OSBPL6: variants seen among roughly 807,000 people sequenced by gnomAD.
The protein encoded by OSBPL6 is oxysterol-binding protein-related protein 6.
OSBPL6 carries 49 observed loss-of-function variants against 125.8 expected under a neutral mutation model. That is an observed-to-expected ratio of 0.39 (90% CI 0.31 to 0.49). OSBPL6 has a LOEUF of 0.49. Ranked by LOEUF, OSBPL6 falls within the 20% of genes least tolerant of loss-of-function variation. The pLI is 0.88. For synonymous variants in OSBPL6, 394 were observed against 391.8 expected, an observed-to-expected ratio of 1.01 and a Z score of -0.07; for missense variants, 986 against 1,135.4, an observed-to-expected ratio of 0.87 and a Z score of 1.89.
intron 2 of OSBPL6, among the ~76,000 whole-genome samples, chr2:178,300,105 A>G (rs541314806): frequency 1.3e-5 from 2 of 152,372 alleles, no homozygotes; most frequent in South Asian, 2.1e-4. Flanking sequence ...TGAAAGCTAT[A>G]TATCTCAAAT....
At chr2:178,292,581 C>T (rs778015100) in intron 2 of OSBPL6, among the ~76,000 whole-genome samples, 2 of 152,144 alleles carry the variant, frequency 1.3e-5, no homozygotes, top group Admixed American at 6.5e-5. Context: ...ATGTGTCTTA[C>T]ATCATCCCCT....
At chr2:178,270,470 A>G (rs979905772) in intron 1 of OSBPL6, among the ~76,000 whole-genome samples, 1 of 152,176 alleles carries the variant, frequency 6.6e-6, no homozygotes, top group African/African-American at 2.4e-5. Flanking sequence ...AAACCAAGGA[A>G]CAGAGAGGAG....
intron 1 of OSBPL6, among the ~76,000 whole-genome samples, chr2:178,274,758 C>G (rs1022508489): frequency 6.6e-6 from 1 of 152,122 alleles, no homozygotes; most frequent in Non-Finnish European, 1.5e-5. Context: ...TTACAATATC[C>G]AGACACCAAA....
intron 12 of OSBPL6, among the ~76,000 whole-genome samples, chr2:178,351,035 CT>C (rs1317598184): frequency 1.3e-5 from 2 of 151,860 alleles, no homozygotes; most frequent in African/African-American, 2.4e-5. Context: ...AAGTTCAATA[CT>C]CTTTCTTGAT....
At chr2:178,210,752 C>CA (rs2089811300) in intron 1 of OSBPL6, among the ~76,000 whole-genome samples, 1 of 151,300 alleles carries the variant, frequency 6.6e-6, no homozygotes, top group Non-Finnish European at 1.5e-5. Context: ...GCAGAGGGTG[C>CA]AGTGAGCCCA....
At chr2:178,375,393 C>G (rs749515279) in intron 15 of OSBPL6, among the ~76,000 whole-genome samples, 1 of 151,894 alleles carries the variant, frequency 6.6e-6, no homozygotes, top group Non-Finnish European at 1.5e-5. Flanking sequence ...ATCCTTCATC[C>G]TTCTTTTTTT....
At chr2:178,362,822 G>A (rs1362838200) in intron 13 of OSBPL6, among the ~76,000 whole-genome samples, 1 of 152,172 alleles carries the variant, frequency 6.6e-6, no homozygotes, top group Non-Finnish European at 1.5e-5. Flanking sequence ...TCAGCTGAGG[G>A]GCATATGCTG....
intron 1 of OSBPL6, among the ~76,000 whole-genome samples, chr2:178,231,328 T>G (rs1188319485): frequency 1.3e-5 from 2 of 152,118 alleles, no homozygotes; most frequent in Non-Finnish European, 2.9e-5. Flanking sequence ...TGCTTCTTGT[T>G]GTACATGTGG....
intron 11 of OSBPL6, among the ~76,000 whole-genome samples, chr2:178,340,112 A>T (rs1690074735): frequency 6.6e-6 from 1 of 152,182 alleles, no homozygotes; most frequent in Admixed American, 6.5e-5. Context: ...TCATTTAAAA[A>T]TACTAGATTT....
At chr2:178,231,672 G>C (rs370719371) in intron 1 of OSBPL6, among the ~76,000 whole-genome samples, 1 of 127,242 alleles carries the variant, frequency 7.9e-6, no homozygotes, top group Non-Finnish European at 1.6e-5. Flanking sequence ...TTTGAGACAG[G>C]GTCTTGCTCT....
At chr2:178,361,878 C>T (rs1327115019) in intron 13 of OSBPL6, 63 bp downstream of exon 13, 1 of 1,588,112 alleles carries the variant, frequency 6.3e-7, no homozygotes, top group African/African-American at 1.3e-5. Context: ...GATGAAAGAT[C>T]AAAAGATGGG....
intron 11 of OSBPL6, among the ~76,000 whole-genome samples, chr2:178,344,984 G>A (rs1447067362): frequency 6.6e-6 from 1 of 152,008 alleles, no homozygotes; most frequent in East Asian, 1.9e-4. Context: ...CATATCTAGA[G>A]GTTTTTTTTT....
At chr2:178,338,918 T>C (rs768239398) in intron 9 of OSBPL6, 73 bp from the exon 10 acceptor site, 10 of 984,584 alleles carry the variant, frequency 1.0e-5, no homozygotes, top group African/African-American at 4.9e-5. Context: ...ATAATTTGCA[T>C]TGACCCTTTT....
chr2:178,303,748 G>A (rs1686500257), intron 2 of OSBPL6, among the ~76,000 whole-genome samples: 1 of 152,074 alleles, frequency 6.6e-6, no homozygotes, highest in African/African-American at 2.4e-5. Context: ...GAATGCCAGA[G>A]ACCTGAGATT....
intron 1 of OSBPL6, among the ~76,000 whole-genome samples, chr2:178,247,143 C>G (rs996670175): frequency 6.6e-6 from 1 of 151,916 alleles, no homozygotes; most frequent in Non-Finnish European, 1.5e-5. Context: ...CAACTGGAAT[C>G]GATGTTCTCT....
chr2:178,244,137 G>T (rs746718905), intron 1 of OSBPL6, among the ~76,000 whole-genome samples: 10 of 152,074 alleles, frequency 6.6e-5, no homozygotes, highest in African/African-American at 9.7e-5. Context: ...AACTCCGCTG[G>T]TCTGGTTTAA....
intron 21 of OSBPL6, among the ~76,000 whole-genome samples, chr2:178,390,653 A>T (rs1265626855): frequency 6.6e-6 from 1 of 152,218 alleles, no homozygotes; most frequent in Non-Finnish European, 1.5e-5. Context: ...TGGAAGGGCC[A>T]CTTGAGGGCC....
At chr2:178,302,154 T>C (rs1327969396) in intron 2 of OSBPL6, among the ~76,000 whole-genome samples, 2 of 152,176 alleles carry the variant, frequency 1.3e-5, no homozygotes, top group East Asian at 1.9e-4. Context: ...ATCTGAGATT[T>C]ATGCCACTCA....
chr2:178,320,050 C>A (rs1688100283), intron 3 of OSBPL6, among the ~76,000 whole-genome samples: 1 of 152,146 alleles, frequency 6.6e-6, no homozygotes, highest in Non-Finnish European at 1.5e-5. Context: ...GTCTTTATAT[C>A]TTTGTAATGA....
Sources: allele counts gnomAD v4.1 joint callset (sites outside exome capture counted in the v4.1 genomes callset), GRCh38; gene constraint gnomAD v4.1.1; transcripts MANE v1.5; gene names NCBI Gene and HGNC (gene_info 2026-07-23, HGNC 2026-07-21).